The following CWC27 variants were observed in gnomAD, a reference collection of about 807,000 sequenced individuals.
CWC27 encodes the protein CWC27 spliceosome associated cyclophilin, also known as spliceosome-associated protein CWC27 homolog.
CWC27 carries 47 observed loss-of-function variants against 63.6 expected under a neutral mutation model. The observed-to-expected ratio is 0.74, with a 90% CI of 0.58 to 0.94. The LOEUF is 0.94. Among genes scored for constraint, CWC27 ranks in the 40% least tolerant of loss-of-function variants. The pLI is 0.00. For synonymous variants in CWC27, 175 were observed against 179.8 expected, an observed-to-expected ratio of 0.97 and a Z score of 0.22; for missense variants, 495 against 554.3, an observed-to-expected ratio of 0.89 and a Z score of 1.07.
chr5:64,782,208 G>A lies in CWC27; in HGVS notation c.252+175G>A, dbSNP rs530360281. Reference sequence around the variant, plus strand: ...CATGCCTGTAATTCCAGCACTTTGGGAAGCCGAGGGGGGCGGATCACTTGA... The same window carrying A: ...CATGCCTGTAATTCCAGCACTTTGGAAAGCCGAGGGGGGCGGATCACTTGA... On this transcript the variant is annotated intron_variant, in intron 3 of 13. Transcript: ENST00000381070. Among the ~76,000 whole-genome samples, 39 of 152,198 alleles carry A rather than the reference G, an allele frequency of 2.6e-4. No homozygotes were observed. The East Asian group carries it at 4.1e-3, about 16-fold the overall frequency.
chr5:64,785,472 A>G lies in CWC27; in HGVS notation c.397-9A>G. The G allele has an allele frequency of 7.8e-7, 1 of 1,282,378 alleles. No individual in the cohort carries two copies. Among genetic ancestry groups the G allele is most frequent in the Non-Finnish European group, 1.0e-6 (1 of 983,336 alleles). 79.4% of individuals were successfully genotyped at this position (1,282,378 alleles called of 1,614,324 possible). A position where few individuals can be genotyped will look rare whatever the true frequency, so the allele number is the denominator to read the frequency against. ...AATTTTCAATTACATTATATTTTTA[A>G]TTTGATAGGTTACAGGGGATACAGT... is the stretch of plus-strand genomic sequence containing the variant. On this transcript the variant is annotated splice_polypyrimidine_tract_variant and intron_variant, in intron 4 of 13. Transcript: ENST00000381070.
intron 10 of CWC27, among the ~76,000 whole-genome samples, chr5:64,880,037 TTC>T (rs1391709430): frequency 1.3e-5 from 2 of 152,006 alleles, no homozygotes; most frequent in African/African-American, 2.4e-5. Context: ...TGCGTCTTCA[TTC>T]TGTCTGTAAA....
chr5:64,851,036 A>G (rs559843775), intron 10 of CWC27, among the ~76,000 whole-genome samples: 21 of 152,196 alleles, frequency 1.4e-4, no homozygotes, highest in Non-Finnish European at 2.5e-4. Flanking sequence ...AATCAGAAAT[A>G]CCACTTTTAG....
intron 11 of CWC27, among the ~76,000 whole-genome samples, chr5:64,896,333 T>TGTAA (rs1747373739): frequency 6.6e-6 from 1 of 152,180 alleles, no homozygotes; most frequent in African/African-American, 2.4e-5. Flanking sequence ...TGAGCCCAGA[T>TGTAA]GTAAGACCTA....
At chr5:64,822,016 G>A (rs528634564) in intron 10 of CWC27, among the ~76,000 whole-genome samples, 1 of 152,344 alleles carries the variant, frequency 6.6e-6, no homozygotes, top group South Asian at 2.1e-4. Context: ...ACTGGGGCCA[G>A]GTCATGACGG....
At chr5:64,885,636 C>T (rs1049921040) in intron 11 of CWC27, 90 bp downstream of exon 11, 101 of 898,666 alleles carry the variant, frequency 1.1e-4, no homozygotes, top group Non-Finnish European at 1.4e-4. Flanking sequence ...GTATTCATCC[C>T]TTCCCTTCTC....
At position 64,796,307 on chromosome 5, in the gene CWC27, TA is replaced by T. The variant is rs566468225; in HGVS notation, c.670-3940del. On this transcript the variant is annotated intron_variant, in intron 7 of 13. Transcript: ENST00000381070. ...ATCTGTCACTTTATCTCTTTATTTA[TA>T]GGAATTGGCTCTTGCAATTGTGGGA... 3.3e-5 allele frequency among the ~76,000 whole-genome samples: 5 copies of T among 152,260 alleles called. No homozygotes were observed. The East Asian group carries it at 9.6e-4, about 29-fold the overall frequency.
At chr5:64,775,049 G>A (rs1310390488) in intron 2 of CWC27, among the ~76,000 whole-genome samples, 2 of 152,104 alleles carry the variant, frequency 1.3e-5, no homozygotes, top group Non-Finnish European at 2.9e-5. Context: ...GCTATCTTAC[G>A]CTTCTTCCTT....
chr5:64,800,680 G>A (rs1489509753), intron 8 of CWC27, among the ~76,000 whole-genome samples: 1 of 152,172 alleles, frequency 6.6e-6, no homozygotes, highest in African/African-American at 2.4e-5. Flanking sequence ...TATCATGAAT[G>A]AACAAATTAC....
intron 11 of CWC27, among the ~76,000 whole-genome samples, chr5:64,968,380 A>G (rs1024908359): frequency 1.3e-5 from 2 of 152,158 alleles, no homozygotes; most frequent in African/African-American, 4.8e-5. Flanking sequence ...TCCCACTCCT[A>G]GGTATTTACC....
At chr5:64,874,307 A>C (rs530792794) in intron 10 of CWC27, among the ~76,000 whole-genome samples, 7 of 151,216 alleles carry the variant, frequency 4.6e-5, no homozygotes, top group African/African-American at 1.5e-4. Context: ...GATTACAGGC[A>C]TGTGCCACCA....
At chr5:64,776,977 A>C (rs1743480278) in intron 2 of CWC27, among the ~76,000 whole-genome samples, 1 of 152,104 alleles carries the variant, frequency 6.6e-6, no homozygotes, top group Non-Finnish European at 1.5e-5. Flanking sequence ...GACATTTAAA[A>C]TGAGTGGAAC....
At chr5:64,934,870 T>C (rs187598124) in intron 11 of CWC27, among the ~76,000 whole-genome samples, 2 of 152,352 alleles carry the variant, frequency 1.3e-5, no homozygotes, top group Admixed American at 1.3e-4. Context: ...TGAGCTTTTT[T>C]TCATATGTTT....
intron 11 of CWC27, among the ~76,000 whole-genome samples, chr5:64,939,405 G>A (rs1360532328): frequency 1.3e-5 from 2 of 152,160 alleles, no homozygotes. Context: ...TTTGTTGGAG[G>A]TCCACTCCAG....
intron 6 of CWC27, among the ~76,000 whole-genome samples, chr5:64,786,835 T>C (rs113956509): frequency 7.0e-4 from 106 of 152,286 alleles, no homozygotes; most frequent in Non-Finnish European, 1.3e-3. Context: ...ATTGGAATTA[T>C]GAGTGTGTGG....
rs1477103588 is a variant in CWC27 at position 64,808,150 on chromosome 5, C to G, written c.938+3764C>G. On this transcript the variant is annotated intron_variant, in intron 10 of 13. Transcript: ENST00000381070. ...TGGGAACTTGTTAGAAATACCGAGT[C>G]TCAGGCCCTGTCCTACACATTTTTA... The G allele has an allele frequency of 5.7e-6, 6 of 1,050,168 alleles. No individual in the cohort carries two copies. In the Admixed American group the frequency reaches 1.5e-4, roughly 26 times the overall value. 65.1% of individuals were successfully genotyped at this position (1,050,168 alleles called of 1,614,324 possible).
chr5:64,869,171 G>A (rs1746605109), intron 10 of CWC27, among the ~76,000 whole-genome samples: 1 of 152,022 alleles, frequency 6.6e-6, no homozygotes, highest in African/African-American at 2.4e-5. Flanking sequence ...AACTTGCCAT[G>A]TATCTCATTT....
chr5:64,885,687 T>C (rs1048646768), intron 11 of CWC27, 141 bp downstream of exon 11: 1 of 421,672 alleles, frequency 2.4e-6, no homozygotes, highest in Non-Finnish European at 4.4e-6. Flanking sequence ...TTTCCCTCCC[T>C]CTTGAGTTAG....
intron 11 of CWC27, among the ~76,000 whole-genome samples, chr5:64,912,125 G>A (rs1380334744): frequency 2.0e-5 from 3 of 151,344 alleles, no homozygotes; most frequent in African/African-American, 4.8e-5. Flanking sequence ...GACCTGTATA[G>A]GTATATAGCT....
Sources: allele counts gnomAD v4.1 joint callset (sites outside exome capture counted in the v4.1 genomes callset), GRCh38; gene constraint gnomAD v4.1.1; transcripts MANE v1.5; gene names NCBI Gene and HGNC (gene_info 2026-07-23, HGNC 2026-07-21).